CDC73: variants seen among roughly 807,000 people sequenced by gnomAD.
CDC73 encodes cell division cycle 73.
A neutral mutation model predicts 83.7 loss-of-function variants in CDC73; 21 were observed. That is an observed-to-expected ratio of 0.25 (90% confidence interval 0.18 to 0.36). The LOEUF (loss-of-function observed/expected upper bound fraction) is 0.36, where lower values mean the gene tolerates loss of function less well. Among genes scored for constraint, CDC73 ranks in the 10% least tolerant of loss-of-function variants. The probability of loss-of-function intolerance (pLI) is 1.00; values close to 1 mark genes in which losing one functional copy is unlikely to be tolerated. For missense variants in CDC73, 342 were observed against 653.3 expected (o/e 0.52, Z 5.19); for synonymous variants, 224 against 212.9 (o/e 1.05, Z -0.45).
At chr1:193,161,569 ATATT>A (rs1443201481) in intron 10 of CDC73, among the ~76,000 whole-genome samples, 2 of 126,666 alleles carry the variant, frequency 1.6e-5, no homozygotes, top group Non-Finnish European at 3.2e-5. Context: ...ACGCATATAT[ATATT>A]ATTATATAAT....
chr1:193,212,184 G>A (rs1677291208), intron 12 of CDC73, 84 bp downstream of exon 12: 2 of 1,134,304 alleles, frequency 1.8e-6, no homozygotes, highest in Non-Finnish European at 2.6e-6. Context: ...TTGTGCAGCT[G>A]TATCACATGT....
intron 5 of CDC73, among the ~76,000 whole-genome samples, chr1:193,137,078 A>C (rs974576392): frequency 7.9e-5 from 12 of 152,140 alleles, no homozygotes; most frequent in Admixed American, 4.6e-4. Context: ...TCTTTTGAGG[A>C]TCTATAAGGA....
intron 7 of CDC73, among the ~76,000 whole-genome samples, chr1:193,143,526 G>A (rs2103127629): frequency 1.3e-5 from 2 of 152,120 alleles, no homozygotes; most frequent in South Asian, 4.2e-4. Flanking sequence ...TAAACTTACT[G>A]ATTTAATATT....
chr1:193,163,504 C>T (rs1676378452), intron 10 of CDC73, among the ~76,000 whole-genome samples: 1 of 151,296 alleles, frequency 6.6e-6, no homozygotes, highest in Non-Finnish European at 1.5e-5. Context: ...GAGACCCTGC[C>T]CGCCCCCCAA....
In CDC73 at chr1:193,238,910, G is replaced by A. The variant is rs1288629106; in HGVS notation, c.1417+2554G>A. Among the ~76,000 whole-genome samples the A allele has an allele frequency of 5.9e-5, 9 of 152,214 alleles. No homozygotes were observed. In the East Asian group the frequency reaches 1.4e-3, roughly 23 times the overall value. Reference sequence around the variant, plus strand: ...TCTTGCTGTCCCAGGTGGCAGAGGCGGAAGAAAATCCATGTATAAATGAAC... The same window carrying A: ...TCTTGCTGTCCCAGGTGGCAGAGGCAGAAGAAAATCCATGTATAAATGAAC... On this transcript the variant is annotated intron_variant, in intron 15 of 16. Coordinates refer to ENST00000367435, the MANE Select transcript of CDC73 (RefSeq NM_024529.5).
chr1:193,175,820 G>A (rs1220214790), intron 10 of CDC73, among the ~76,000 whole-genome samples: 3 of 152,194 alleles, frequency 2.0e-5, no homozygotes, highest in Non-Finnish European at 4.4e-5. Context: ...CACAGATACA[G>A]AGGTATAATT....
At chr1:193,173,785 A>AT (rs1445150766) in intron 10 of CDC73, among the ~76,000 whole-genome samples, 2 of 152,176 alleles carry the variant, frequency 1.3e-5, no homozygotes, top group African/African-American at 4.8e-5. Context: ...AAATCAAGAT[A>AT]TTTTTTAAAA....
intron 3 of CDC73, among the ~76,000 whole-genome samples, chr1:193,134,528 G>C (rs1436029670): frequency 6.6e-6 from 1 of 152,140 alleles, no homozygotes; most frequent in African/African-American, 2.4e-5. Flanking sequence ...AAAATTAGCC[G>C]GGCGTGGTGG....
chr1:193,163,845 C>T (rs1052786157), intron 10 of CDC73, among the ~76,000 whole-genome samples: 2 of 152,116 alleles, frequency 1.3e-5, no homozygotes, highest in African/African-American at 4.8e-5. Flanking sequence ...GTGGCGTGAT[C>T]TGGATCAACT....
chr1:193,229,424 A>G (rs987826000), intron 13 of CDC73, among the ~76,000 whole-genome samples: 7 of 152,352 alleles, frequency 4.6e-5, no homozygotes, highest in Admixed American at 2.0e-4. Flanking sequence ...GCCCTCACAA[A>G]TAGGATAAGC....
At chr1:193,142,362 C>T (rs1213697830) in intron 7 of CDC73, among the ~76,000 whole-genome samples, 2 of 152,072 alleles carry the variant, frequency 1.3e-5, no homozygotes, top group Non-Finnish European at 2.9e-5. Flanking sequence ...GTCATTTTTG[C>T]TTAAACCTAA....
At position 193,232,674 on chromosome 1, in the gene CDC73, G is replaced by A. The variant is rs559218516; in HGVS notation, c.1155-319G>A. ...TCTCAGCACTTTGGGAGGCCGAGGC[G>A]GGTGGATCACAAGGTCAGCAGTTCG... On this transcript the variant is annotated intron_variant, in intron 13 of 16. Coordinates refer to ENST00000367435, the MANE Select transcript of CDC73 (RefSeq NM_024529.5). Among the ~76,000 whole-genome samples, 18 of 152,142 alleles carry A rather than the reference G, an allele frequency of 1.2e-4. No individual in the cohort carries two copies. In the South Asian group the frequency reaches 1.5e-3, roughly 12 times the overall value.
intron 10 of CDC73, among the ~76,000 whole-genome samples, chr1:193,188,955 GT>G (rs552692219): frequency 2.7e-3 from 367 of 137,460 alleles, no homozygotes; most frequent in Middle Eastern, 7.5e-3. Context: ...CTGTCTGTCT[GT>G]TTTTTTTTTT....
intron 11 of CDC73, among the ~76,000 whole-genome samples, chr1:193,209,847 GCT>G (rs759157052): frequency 6.6e-6 from 1 of 151,794 alleles, no homozygotes; most frequent in Non-Finnish European, 1.5e-5. Flanking sequence ...TTTCTCCCTT[GCT>G]CTCTCTTTCT....
chr1:193,134,850 T>A (rs745652607), intron 3 of CDC73, among the ~76,000 whole-genome samples: 5 of 152,170 alleles, frequency 3.3e-5, no homozygotes, highest in Non-Finnish European at 5.9e-5. Flanking sequence ...GAAGGATATA[T>A]AAGAGACTAG....
intron 2 of CDC73, among the ~76,000 whole-genome samples, chr1:193,129,295 C>T (rs1310287576): frequency 6.6e-6 from 1 of 151,730 alleles, no homozygotes; most frequent in Non-Finnish European, 1.5e-5. Flanking sequence ...TGCGCCCTGC[C>T]TAATTTTTGT....
At chr1:193,183,607 C>G (rs564895910) in intron 10 of CDC73, among the ~76,000 whole-genome samples, 67 of 151,294 alleles carry the variant, frequency 4.4e-4, no homozygotes, top group African/African-American at 1.3e-3. Flanking sequence ...GCTGGCCATT[C>G]TTTTTAGACC....
chr1:193,180,816 C>A, intron 10 of CDC73: 1 of 1,614,078 alleles, frequency 6.2e-7, no homozygotes, highest in South Asian at 1.1e-5. Context: ...TGTCAGTTTT[C>A]ATAACATATG....
chr1:193,199,054 A>T (rs889492168), intron 10 of CDC73, among the ~76,000 whole-genome samples: 1 of 152,146 alleles, frequency 6.6e-6, no homozygotes, highest in Admixed American at 6.5e-5. Context: ...ATTTAAAGGG[A>T]GGGAAGTACT....
Sources: gnomAD v4.1 joint callset for allele counts (sites outside exome capture counted in the v4.1 genomes callset) on GRCh38, gnomAD v4.1.1 for gene constraint, MANE v1.5 for transcripts, NCBI Gene and HGNC (gene_info 2026-07-23, HGNC 2026-07-21) for gene names.